Variants in DMD observed in about 807,000 individuals in gnomAD.
DMD encodes mutant dystrophin.
DMD carries 63 observed loss-of-function variants against 330.1 expected under a neutral mutation model. The ratio of observed to expected loss-of-function variants is 0.19; its 90% CI spans 0.16 to 0.24. The LOEUF (loss-of-function observed/expected upper bound fraction) is 0.24. Ranked by LOEUF, DMD falls within the 10% of genes least tolerant of loss-of-function variation. The pLI is 1.00. For missense variants in DMD, 3,344 were observed against 2,684.1 expected (o/e 1.25, Z -5.43); for synonymous variants, 1,223 against 959.8 (o/e 1.27, Z -5.07).
chrX:32,235,121 T>C (rs138778267), intron 43 of DMD, among the ~76,000 whole-genome samples: 2,114 of 111,553 alleles, frequency 0.019, 59 homozygotes, highest in African/African-American at 0.064. Context: ...CATTATAATA[T>C]ATAATGAAAT....
chrX:32,593,247 T>C (rs928095128), intron 13 of DMD, among the ~76,000 whole-genome samples: 3 of 112,604 alleles, frequency 2.7e-5, no homozygotes, highest in African/African-American at 9.7e-5. Context: ...TTTCCTCCAA[T>C]GTATGATTTA....
chrX:31,137,608 T>C (rs1569321109), intron 76 of DMD, among the ~76,000 whole-genome samples: 1 of 110,218 alleles, frequency 9.1e-6, no homozygotes, highest in East Asian at 2.9e-4. Flanking sequence ...ACTGTTCAAA[T>C]GGTTGAACAG....
chrX:32,235,141 A>C (rs764149541), intron 43 of DMD, among the ~76,000 whole-genome samples: 2 of 111,412 alleles, frequency 1.8e-5, no homozygotes, highest in South Asian at 3.8e-4. Flanking sequence ...TAATTATACA[A>C]CTCACCATAA....
At chrX:32,282,620 G>GTATCTAAT (rs1319799515) in intron 43 of DMD, among the ~76,000 whole-genome samples, 2 of 111,893 alleles carry the variant, frequency 1.8e-5, no homozygotes, top group African/African-American at 6.5e-5. Context: ...TATGGAAGCA[G>GTATCTAAT]GTATGTTAGA....
intron 18 of DMD, among the ~76,000 whole-genome samples, chrX:32,509,099 C>T (rs376864237): frequency 9.2e-6 from 1 of 108,922 alleles, no homozygotes. Flanking sequence ...CGTGAGCCAC[C>T]GTGCCTGGCC....
At chrX:32,264,354 T>C (rs982470600) in intron 43 of DMD, among the ~76,000 whole-genome samples, 5 of 111,732 alleles carry the variant, frequency 4.5e-5, no homozygotes, top group Admixed American at 9.5e-5. Flanking sequence ...AATTACCCAG[T>C]CTCAGGTAGT....
At chrX:32,606,403 A>C (rs2149315494) in intron 12 of DMD, among the ~76,000 whole-genome samples, 1 of 109,817 alleles carries the variant, frequency 9.1e-6, no homozygotes, top group South Asian at 4.0e-4. Flanking sequence ...AAAGTCAAAC[A>C]ACAACAGGTG....
intron 9 of DMD, among the ~76,000 whole-genome samples, chrX:32,648,007 C>A (rs60202007): frequency 8.9e-6 from 1 of 111,900 alleles, no homozygotes; most frequent in African/African-American, 3.2e-5. Flanking sequence ...CTTCTCCAAA[C>A]GAAGCATTGT....
At chrX:31,662,211 G>C (rs181376963) in intron 53 of DMD, among the ~76,000 whole-genome samples, 25 of 111,603 alleles carry the variant, frequency 2.2e-4, no homozygotes, top group African/African-American at 8.1e-4. Flanking sequence ...TGATTAGGTG[G>C]GTTAACTTAG....
At chrX:31,559,928 T>A (rs1345265454) in intron 55 of DMD, among the ~76,000 whole-genome samples, 1 of 112,107 alleles carries the variant, frequency 8.9e-6, no homozygotes, top group Non-Finnish European at 1.9e-5. Context: ...TGCCTGGTAG[T>A]CCCTGACACT....
At chrX:32,717,136 G>T (rs2065815641) in intron 7 of DMD, among the ~76,000 whole-genome samples, 1 of 111,500 alleles carries the variant, frequency 9.0e-6, no homozygotes, top group South Asian at 3.8e-4. Context: ...GCGGAAATTT[G>T]CATAAGTAAA....
At chrX:32,242,581 T>C (rs2148075170) in intron 43 of DMD, among the ~76,000 whole-genome samples, 1 of 111,788 alleles carries the variant, frequency 8.9e-6, no homozygotes, top group Non-Finnish European at 1.9e-5. Flanking sequence ...AAGATTTATA[T>C]ACAAAGAGTA....
At chrX:31,376,711 T>C (rs919985531) in intron 60 of DMD, among the ~76,000 whole-genome samples, 3 of 111,697 alleles carry the variant, frequency 2.7e-5, no homozygotes, top group Admixed American at 1.9e-4. Flanking sequence ...ACTGCAAAAT[T>C]TGGAATAAAA....
chrX:31,618,160 C>G (rs770585746), intron 55 of DMD, among the ~76,000 whole-genome samples: 6 of 108,306 alleles, frequency 5.5e-5, no homozygotes, highest in Admixed American at 2.0e-4. Flanking sequence ...AATCTGTTCA[C>G]CAAACTCCCA....
intron 15 of DMD, among the ~76,000 whole-genome samples, 191 bp from the exon 16 acceptor site, chrX:32,566,072 TGAAGAGAAAA>T (rs1460091298): frequency 2.7e-5 from 3 of 111,643 alleles, no homozygotes; most frequent in Non-Finnish European, 3.8e-5. Context: ...CCAAGAAGTT[TGAAGAGAAAA>T]GAAGAGAAAA....
chrX:33,147,333 T>G lies in DMD; in HGVS notation c.31+63949A>C, dbSNP rs140166380. On this transcript the variant is annotated intron_variant, in intron 1 of 78. Transcript: ENST00000357033. Reference sequence around the variant, plus strand: ...AAACATAAACACTTGATTATTTGATTTAGCATTACATTCATTGTATTCATT... The same window carrying G: ...AAACATAAACACTTGATTATTTGATGTAGCATTACATTCATTGTATTCATT... Among the ~76,000 whole-genome samples, 459 of 111,902 alleles carry G rather than the reference T, an allele frequency of 4.1e-3. 3 individuals are homozygous for G. Among genetic ancestry groups the G allele is most frequent in the Non-Finnish European group, 6.3e-3 (335 of 53,184 alleles).
chrX:31,754,839 A>G (rs184503504), intron 51 of DMD, among the ~76,000 whole-genome samples: 26 of 111,575 alleles, frequency 2.3e-4, no homozygotes, highest in African/African-American at 7.8e-4. Context: ...TTGAATTGAC[A>G]CCAAATGGTT....
intron 47 of DMD, among the ~76,000 whole-genome samples, chrX:31,882,065 C>A (rs1035699578): frequency 8.9e-6 from 1 of 112,161 alleles, no homozygotes; most frequent in African/African-American, 3.2e-5. Flanking sequence ...CAATCTCAAT[C>A]AAAATTGCAG....
chrX:32,832,789 CTTT>C (rs2079259657), intron 4 of DMD, among the ~76,000 whole-genome samples: 1 of 111,633 alleles, frequency 9.0e-6, no homozygotes, highest in African/African-American at 3.2e-5. Flanking sequence ...TGTATTGAAT[CTTT>C]TTCTTATTAA....
Sources: gnomAD v4.1 joint callset for allele counts (sites outside exome capture counted in the v4.1 genomes callset) on GRCh38, gnomAD v4.1.1 for gene constraint, MANE v1.5 for transcripts, NCBI Gene and HGNC (gene_info 2026-07-23, HGNC 2026-07-21) for gene names.